IGF2R: variants seen among roughly 807,000 people sequenced by gnomAD.
The protein encoded by IGF2R is cation-independent mannose-6-phosphate receptor.
In IGF2R, 91 loss-of-function variants were observed where a neutral mutation model predicts 270.6. The ratio of observed to expected loss-of-function variants is 0.34; its 90% CI spans 0.28 to 0.40. The LOEUF is 0.40. Ranked by LOEUF, IGF2R falls within the 10% of genes least tolerant of loss-of-function variation. The pLI is 1.00. For missense variants in IGF2R, 2,805 were observed against 3,188.3 expected (o/e 0.88, Z 2.90); for synonymous variants, 1,316 against 1,258.9 (o/e 1.05, Z -0.96).
intron 20 of IGF2R, among the ~76,000 whole-genome samples, chr6:160,057,497 A>T (rs927515161): frequency 6.6e-6 from 1 of 152,136 alleles, no homozygotes; most frequent in Non-Finnish European, 1.5e-5. Flanking sequence ...GATGCCAGGC[A>T]CCCTGTTCAT....
chr6:160,094,031 AT>A, intron 44 of IGF2R: 1 of 598,276 alleles, frequency 1.7e-6, no homozygotes, highest in Admixed American at 2.0e-5. Flanking sequence ...GCAGTCTAGT[AT>A]TTAAGTACTG....
chr6:160,055,268 CCTT>C (rs1457817676), intron 19 of IGF2R, among the ~76,000 whole-genome samples: 17 of 152,202 alleles, frequency 1.1e-4, no homozygotes, highest in African/African-American at 2.4e-5. Flanking sequence ...ACTGCCCCCT[CCTT>C]CTCTGGTTTC....
intron 44 of IGF2R, 119 bp from the exon 45 acceptor site, chr6:160,096,320 T>G: frequency 2.4e-6 from 2 of 841,772 alleles, no homozygotes; most frequent in Non-Finnish European, 3.8e-6. Context: ...GGACGTGGGA[T>G]GAAGTCTCTT....
intron 22 of IGF2R, among the ~76,000 whole-genome samples, chr6:160,059,548 AG>A (rs1452098402): frequency 6.6e-6 from 1 of 152,164 alleles, no homozygotes; most frequent in African/African-American, 2.4e-5. Context: ...CCCGCAGATA[AG>A]GGGGGCTGCT....
chr6:160,103,872 C>A, intron 47 of IGF2R, 57 bp downstream of exon 47: 2 of 1,179,990 alleles, frequency 1.7e-6, no homozygotes, highest in Non-Finnish European at 2.5e-6. Flanking sequence ...CTGTGCTGCG[C>A]TGTCCATGTC....
chr6:159,993,371 T>G (rs1784006447), intron 2 of IGF2R, among the ~76,000 whole-genome samples: 1 of 152,188 alleles, frequency 6.6e-6, no homozygotes, highest in Admixed American at 6.5e-5. Context: ...TTTCAGATCT[T>G]ACATTTAAGT....
Position 159,970,487 on chromosome 6 carries a change from A to G in IGF2R, c.149+1092A>G, listed in dbSNP as rs8191695. 4.6e-5 allele frequency among the ~76,000 whole-genome samples: 7 copies of G among 152,164 alleles called. No individual in the cohort carries two copies. The South Asian group carries it at 1.5e-3, about 32-fold the overall frequency. Reference sequence around the variant, plus strand: ...TTTCCCATGCATCAGAGATAGTTTTATTAGCACCCCTGTGTTCAGAACATG... The same window carrying G: ...TTTCCCATGCATCAGAGATAGTTTTGTTAGCACCCCTGTGTTCAGAACATG... On this transcript the variant is annotated intron_variant, in intron 1 of 47. Transcript: ENST00000356956.
chr6:160,097,558 C>A (rs1040674304), intron 45 of IGF2R, among the ~76,000 whole-genome samples: 1 of 152,150 alleles, frequency 6.6e-6, no homozygotes, highest in Non-Finnish European at 1.5e-5. Flanking sequence ...TTGAACTCCT[C>A]ACCTCAGATA....
At position 160,059,055 on chromosome 6, in the gene IGF2R, G is replaced by A; in HGVS notation, c.3048G>A (p.Glu1016=). Residue 1016 remains glutamate, a synonymous_variant, in exon 22 of 48, where the codon GAG becomes GAA. Coordinates refer to ENST00000356956, the MANE Select transcript of IGF2R (RefSeq NM_000876.4). The part of the protein sequence containing the change: ...GIEKSLQLST[E]GFITLTYKGP... The stretch of plus-strand genomic sequence containing the variant: ...AGAAAAGCCTCCAGCTGTCCACAGA[G>A]GGCTTCATCACTCTGACCTACAAAG... The A allele has an allele frequency of 8.1e-6, 13 of 1,614,228 alleles. No individual in the cohort carries two copies. The highest frequency in any genetic ancestry group is 1.1e-5 in the Non-Finnish European group (13 of 1,180,046).
At position 160,050,529 on chromosome 6, in the gene IGF2R, G is replaced by A. The variant is rs144149334; in HGVS notation, c.2571G>A (p.Pro857=). The change falls in exon 19 of 48, where the codon CCG becomes CCA. Residue 857 remains proline (P), a synonymous_variant. Coordinates refer to ENST00000356956, the MANE Select transcript of IGF2R (RefSeq NM_000876.4). This position sits in a 1 kb window ranked among gnomAD's most constrained non-coding sequence, Gnocchi z 4.0. ...ISNLGMAKTG[P]VVEDSGSLLL... is the part of the protein sequence containing the mutation. ...ACTTGGGAATGGCAAAGACCGGCCC[G>A]GTGGTTGAGGACAGCGGCAGCCTCC... The A allele has an allele frequency of 4.3e-4, 687 of 1,614,104 alleles. 4 individuals carry two copies. In the Admixed American group the frequency reaches 4.8e-3, roughly 11 times the overall value.
chr6:160,009,327 A>G (rs1784297167), intron 3 of IGF2R, among the ~76,000 whole-genome samples, 193 bp downstream of exon 3: 2 of 152,246 alleles, frequency 1.3e-5, no homozygotes, highest in African/African-American at 4.8e-5. Flanking sequence ...ACAACTTTTA[A>G]GTAAAACATA....
At chr6:160,082,726 G>A (rs1170025468) in intron 39 of IGF2R, among the ~76,000 whole-genome samples, 1 of 152,272 alleles carries the variant, frequency 6.6e-6, no homozygotes, top group African/African-American at 2.4e-5. Flanking sequence ...GTGCCAAGGA[G>A]CTGGGTCTAT....
intron 39 of IGF2R, among the ~76,000 whole-genome samples, chr6:160,081,819 C>T (rs1007935647): frequency 1.1e-4 from 16 of 152,214 alleles, no homozygotes; most frequent in African/African-American, 3.9e-4. Flanking sequence ...TCCTCACCGG[C>T]CCACAGTCAG....
intron 6 of IGF2R, among the ~76,000 whole-genome samples, chr6:160,028,572 C>A (rs1038988542): frequency 1.1e-4 from 16 of 152,218 alleles, no homozygotes; most frequent in African/African-American, 3.9e-4. Context: ...CTGTGATCAG[C>A]TATTCTCTAG....
chr6:160,012,933 A>G (rs1784361241), intron 4 of IGF2R, among the ~76,000 whole-genome samples: 1 of 151,684 alleles, frequency 6.6e-6, no homozygotes, highest in East Asian at 1.9e-4. Flanking sequence ...GGCCCCACAC[A>G]CAGTCATCCT....
intron 29 of IGF2R, among the ~76,000 whole-genome samples, chr6:160,065,137 CT>C (rs1361420554): frequency 6.6e-6 from 1 of 152,206 alleles, no homozygotes; most frequent in African/African-American, 2.4e-5. Flanking sequence ...GAGTGGACCC[CT>C]GGCACTCTTG....
At chr6:160,104,390 C>T (rs777930519) in intron 47 of IGF2R, among the ~76,000 whole-genome samples, 3 of 151,956 alleles carry the variant, frequency 2.0e-5, no homozygotes, top group Non-Finnish European at 2.9e-5. Context: ...CCATCCCGAA[C>T]GCCTTCTGCT....
Position 160,047,183 on chromosome 6 carries a change from T to C in IGF2R, c.2076T>C (p.Gly692=). 6 of 1,614,140 alleles carry C rather than the reference T, an allele frequency of 3.7e-6. No individual in the cohort carries two copies. The highest frequency in any genetic ancestry group is 5.1e-6 in the Non-Finnish European group (6 of 1,180,010). ...AKSDEKTWNL[G]LSNAKLSYYD... Reference sequence around the variant, plus strand: ...GTGATGAGAAGACTTGGAACTTGGGTCTGAGTAATGCGAAGCTTTCATATT... The same window carrying C: ...GTGATGAGAAGACTTGGAACTTGGGCCTGAGTAATGCGAAGCTTTCATATT... The change falls in exon 16 of 48, where the codon GGT becomes GGC. Residue 692 remains glycine, a synonymous_variant. Transcript: ENST00000356956.
At position 160,012,031 on chromosome 6, in the gene IGF2R, A is replaced by C. The variant is rs1472094677; in HGVS notation, c.513+1246A>C. On this transcript the variant is annotated intron_variant, in intron 4 of 47. Transcript: ENST00000356956. ...AACATTAATTCAGATTAAATTATGA[A>C]CAATAAATCACTGATATTTTCAGAT... Among the ~76,000 whole-genome samples, 5 of 152,218 alleles carry C rather than the reference A, an allele frequency of 3.3e-5. No individual in the cohort carries two copies. The East Asian group carries it at 7.7e-4, about 23-fold the overall frequency.
Sources: allele counts gnomAD v4.1 joint callset (sites outside exome capture counted in the v4.1 genomes callset), GRCh38; gene constraint gnomAD v4.1.1; non-coding constraint Gnocchi (gnomAD v3.1); transcripts MANE v1.5; gene names NCBI Gene and HGNC (gene_info 2026-07-23, HGNC 2026-07-21).